The following HHIP variants were observed in gnomAD, a reference collection of about 807,000 sequenced individuals.
HHIP encodes hedgehog interacting protein.
A neutral mutation model predicts 74.0 loss-of-function variants in HHIP; 12 were observed. That is an observed-to-expected ratio of 0.16 (90% CI 0.10 to 0.26). The LOEUF (loss-of-function observed/expected upper bound fraction) is 0.26. Among genes scored for constraint, HHIP ranks in the 10% least tolerant of loss-of-function variants. The pLI, the probability that HHIP is intolerant of heterozygous loss-of-function variation, is 1.00. For missense variants in HHIP, 788 were observed against 845.0 expected (o/e 0.93, Z 0.84); for synonymous variants, 309 against 311.6 (o/e 0.99, Z 0.09).
chr4:144,695,921 C>A (rs867288814), intron 4 of HHIP, among the ~76,000 whole-genome samples: 1 of 151,862 alleles, frequency 6.6e-6, no homozygotes, highest in Non-Finnish European at 1.5e-5. Flanking sequence ...TCCAAAAGTT[C>A]TTTGGATGGC....
intron 4 of HHIP, among the ~76,000 whole-genome samples, chr4:144,686,847 C>T (rs1729501008): frequency 6.6e-6 from 1 of 151,836 alleles, no homozygotes; most frequent in Non-Finnish European, 1.5e-5. Context: ...TCTGGTAGAA[C>T]CCTAGTCTGG....
At chr4:144,719,519 T>C (rs939349186) in intron 11 of HHIP, among the ~76,000 whole-genome samples, 1 of 152,220 alleles carries the variant, frequency 6.6e-6, no homozygotes, top group Non-Finnish European at 1.5e-5. Flanking sequence ...GAATGTTTTA[T>C]TCCTTTAAAG....
chr4:144,740,389 TG>T lies in HHIP; in HGVS notation c.*2433del, dbSNP rs1731234074. On this transcript the variant is annotated 3_prime_UTR_variant, in exon 13 of 13. Transcript: ENST00000296575. Reference sequence around the variant, plus strand: ...CTTAGAAAAACATATGTGCCCCAGGTGTCATTGCCTTTTCTTTTGTGAGTCA... The same window carrying T: ...CTTAGAAAAACATATGTGCCCCAGGTTCATTGCCTTTTCTTTTGTGAGTCA... 6.6e-6 allele frequency: 1 copy of T among 152,180 alleles called. No individual in the cohort carries two copies. Among genetic ancestry groups the T allele is most frequent in the Admixed American group, 6.5e-5 (1 of 15,274 alleles). The allele number at this position is 152,180 out of a possible 1,614,324, so 9.4% of individuals were successfully genotyped here.
intron 4 of HHIP, among the ~76,000 whole-genome samples, chr4:144,704,416 T>C (rs1357264204): frequency 2.0e-5 from 3 of 152,226 alleles, no homozygotes; most frequent in African/African-American, 4.8e-5. Flanking sequence ...CTTTAGTAAA[T>C]GTCAAAAATG....
chr4:144,718,917 C>T lies in HHIP; in HGVS notation c.1721C>T (p.Thr574Ile). The change falls in exon 11 of 13, where the codon ACT (threonine) becomes ATT (isoleucine). Residue 574 changes from threonine to isoleucine, a missense_variant. Around this residue, in one of 3 missense-constraint regions of HHIP, gnomAD observed 343 missense variants for 347.9 expected, o/e 0.99. Coordinates refer to ENST00000296575, the MANE Select transcript of HHIP (RefSeq NM_022475.3). ...ILSSSKSMTQ[T>I]HNGKLYKIVD... ...TCAAGCAGTAAAAGTATGACCCAGA[C>T]TCACAATGGAAAACTCTACAAAATT... 6.2e-7 allele frequency: 1 copy of T among 1,610,308 alleles called. No homozygotes were observed. Among genetic ancestry groups the T allele is most frequent in the Non-Finnish European group, 8.5e-7 (1 of 1,176,748 alleles).
intron 4 of HHIP, among the ~76,000 whole-genome samples, chr4:144,675,279 A>AAGTAT (rs1729142344): frequency 6.6e-6 from 1 of 152,186 alleles, no homozygotes; most frequent in Non-Finnish European, 1.5e-5. Flanking sequence ...AAAATGCATA[A>AAGTAT]GAACAATTAG....
intron 4 of HHIP, among the ~76,000 whole-genome samples, chr4:144,672,696 A>T (rs1729071700): frequency 6.6e-6 from 1 of 151,676 alleles, no homozygotes; most frequent in Non-Finnish European, 1.5e-5. Context: ...TTATTTTTTT[A>T]ATTTTTATTT....
intron 11 of HHIP, among the ~76,000 whole-genome samples, chr4:144,721,610 A>AAAC (rs1195301994): frequency 6.6e-6 from 1 of 151,748 alleles, no homozygotes; most frequent in Non-Finnish European, 1.5e-5. Context: ...AAAAAAAAAA[A>AAAC]AACTTCCAGG....
intron 11 of HHIP, among the ~76,000 whole-genome samples, chr4:144,729,332 T>C (rs1267995820): frequency 1.3e-5 from 2 of 152,200 alleles, no homozygotes; most frequent in Non-Finnish European, 2.9e-5. Context: ...GAATCTGCTG[T>C]GGCATTCGAA....
intron 1 of HHIP, chr4:144,647,161 G>A (rs1041450246): frequency 1.9e-5 from 10 of 514,310 alleles, no homozygotes; most frequent in Non-Finnish European, 3.1e-5. Context: ...GTCCGCGGTC[G>A]GGATGCTGTG....
chr4:144,649,774 T>C (rs985583150), intron 1 of HHIP, among the ~76,000 whole-genome samples: 1 of 152,184 alleles, frequency 6.6e-6, no homozygotes, highest in Non-Finnish European at 1.5e-5. Context: ...TTTACAATCA[T>C]TTGTTTGCTC....
At chr4:144,723,262 G>A (rs544165936) in intron 11 of HHIP, among the ~76,000 whole-genome samples, 24 of 152,092 alleles carry the variant, frequency 1.6e-4, no homozygotes, top group Non-Finnish European at 3.2e-4. Context: ...GCAAATTCCA[G>A]GCTCGAGAGG....
At position 144,652,699 on chromosome 4, in the gene HHIP, C is replaced by T. The variant is rs1200352092; in HGVS notation, c.374C>T (p.Ser125Leu). 6.2e-7 allele frequency: 1 copy of T among 1,610,974 alleles called. No individual in the cohort carries two copies. The highest frequency in any genetic ancestry group is 8.5e-7 in the Non-Finnish European group (1 of 1,177,402). The change falls in exon 2 of 13, where the codon TCA (serine) becomes TTA (leucine). Residue 125 changes from serine (S) to leucine (L), a missense_variant. Coordinates refer to ENST00000296575, the MANE Select transcript of HHIP (RefSeq NM_022475.3). ...CCACATTCTCAAAGCCTGTTCCACT[C>T]ACCTGAGAGAGAAGTCTTGGAAAGA... ...CSPHSQSLFH[S>L]PEREVLERDL...
chr4:144,716,700 T>A (rs1348455384), intron 10 of HHIP, among the ~76,000 whole-genome samples: 1 of 151,546 alleles, frequency 6.6e-6, no homozygotes, highest in Non-Finnish European at 1.5e-5. Flanking sequence ...CTACAAAAAA[T>A]TAGCCGGGTA....
intron 11 of HHIP, among the ~76,000 whole-genome samples, chr4:144,720,256 C>A (rs558508674): frequency 6.6e-6 from 1 of 152,140 alleles, no homozygotes; most frequent in South Asian, 2.1e-4. Flanking sequence ...AAGTTGGCAA[C>A]CTTAAGAATA....
chr4:144,718,768 T>C (rs2126670461), intron 10 of HHIP, 107 bp from the exon 11 acceptor site: 2 of 731,956 alleles, frequency 2.7e-6, no homozygotes, highest in South Asian at 3.1e-5. Context: ...AGTGATTTTC[T>C]TGTGGATAGA....
At chr4:144,700,332 A>T (rs1334712172) in intron 4 of HHIP, among the ~76,000 whole-genome samples, 1 of 152,218 alleles carries the variant, frequency 6.6e-6, no homozygotes, top group Non-Finnish European at 1.5e-5. Context: ...ATGAAGACAC[A>T]AGTCAGAAAT....
intron 11 of HHIP, among the ~76,000 whole-genome samples, chr4:144,727,816 T>C (rs1196398185): frequency 2.6e-5 from 4 of 152,180 alleles, no homozygotes; most frequent in African/African-American, 9.7e-5. Flanking sequence ...TTGATGATTG[T>C]ATAGTGAGAT....
chr4:144,690,985 C>G (rs1729645537), intron 4 of HHIP, among the ~76,000 whole-genome samples: 1 of 152,124 alleles, frequency 6.6e-6, no homozygotes, highest in South Asian at 2.1e-4. Flanking sequence ...ATGCCAAAGT[C>G]ACTCCAGCAT....
Sources: allele counts gnomAD v4.1 joint callset (sites outside exome capture counted in the v4.1 genomes callset), GRCh38; gene constraint gnomAD v4.1.1; regional missense constraint gnomAD v4.1.1; transcripts MANE v1.5; gene names NCBI Gene and HGNC (gene_info 2026-07-23, HGNC 2026-07-21).